The following SEMA4F variants were observed in gnomAD, a reference collection of about 807,000 sequenced individuals.
The protein encoded by SEMA4F is semaphorin-4F.
Under a neutral mutation model 78.4 loss-of-function variants are expected in SEMA4F, and 51 were observed. The ratio of observed to expected loss-of-function variants is 0.65; its 90% CI spans 0.52 to 0.82. The LOEUF (loss-of-function observed/expected upper bound fraction) is 0.82. Among genes scored for constraint, SEMA4F ranks in the 40% least tolerant of loss-of-function variants. SEMA4F has a pLI of 0.00. For missense variants in SEMA4F, 938 were observed against 1,014.4 expected, an observed-to-expected ratio of 0.92 and a Z score of 1.02; for synonymous variants, 418 against 408.7, an observed-to-expected ratio of 1.02 and a Z score of -0.27.
At chr2:74,679,534 C>G in intron 13 of SEMA4F, 65 bp from the exon 14 acceptor site, 2 of 1,550,310 alleles carry the variant, frequency 1.3e-6, no homozygotes. Flanking sequence ...TCACCCCACA[C>G]TTTTCTTCAT....
intron 12 of SEMA4F, among the ~76,000 whole-genome samples, chr2:74,678,829 A>G (rs894694490): frequency 5.3e-5 from 8 of 152,170 alleles, no homozygotes; most frequent in Non-Finnish European, 1.0e-4. Flanking sequence ...AAGTCACCTC[A>G]CTGACCCTAA....
intron 5 of SEMA4F, among the ~76,000 whole-genome samples, chr2:74,669,542 G>A (rs949271100): frequency 6.6e-6 from 1 of 152,030 alleles, no homozygotes; most frequent in Non-Finnish European, 1.5e-5. Flanking sequence ...CCGAGATAGC[G>A]CCACTGCACT....
chr2:74,671,965 C>G (rs1341194394), intron 5 of SEMA4F, among the ~76,000 whole-genome samples: 1 of 152,206 alleles, frequency 6.6e-6, no homozygotes, highest in Non-Finnish European at 1.5e-5. Context: ...TTTCCTCTGC[C>G]TCTGCCTTAC....
Position 74,681,150 on chromosome 2 carries a change from T to C in SEMA4F, c.*941T>C, listed in dbSNP as rs542537152. On this transcript the variant is annotated 3_prime_UTR_variant, in exon 14 of 14. Transcript: ENST00000357877. Reference sequence around the variant, plus strand: ...TTAAAAATCAACAACATTCTAATGATTAGGGAACAACAGAAGGGGAACAGT... The same window carrying C: ...TTAAAAATCAACAACATTCTAATGACTAGGGAACAACAGAAGGGGAACAGT... The C allele has an allele frequency of 6.5e-6, 1 of 152,680 alleles. No individual in the cohort carries two copies. The highest frequency in any genetic ancestry group is 2.1e-4 in the South Asian group (1 of 4,820). The allele number at this position is 152,680 out of a possible 1,614,324, so 9.5% of individuals were successfully genotyped here.
chr2:74,672,396 G>A (rs185001334), intron 5 of SEMA4F, among the ~76,000 whole-genome samples: 8 of 152,248 alleles, frequency 5.3e-5, no homozygotes, highest in East Asian at 1.9e-4. Context: ...TGTGCCTCCC[G>A]GAATCTGATT....
Position 74,658,076 on chromosome 2 carries a change from C to A in SEMA4F, c.456+125C>A. The A allele has an allele frequency of 1.2e-6, 1 of 815,006 alleles. No individual in the cohort carries two copies. The highest frequency in any genetic ancestry group is 1.4e-5 in the South Asian group (1 of 69,556). 50.5% of individuals were successfully genotyped at this position (815,006 alleles called of 1,614,324 possible). A position where few individuals can be genotyped will look rare whatever the true frequency, so the allele number is the denominator to read the frequency against. On this transcript the variant is annotated intron_variant, in intron 4 of 13. Transcript: ENST00000357877. This position sits in a 1 kb window ranked among gnomAD's most constrained non-coding sequence, Gnocchi z 4.3. ...ATGATGGGGGCATGGTCAAGGCAACCATTGTGCATGATAAGCATTGGGTGT... is the reference window on the plus strand; with the variant it reads ...ATGATGGGGGCATGGTCAAGGCAACAATTGTGCATGATAAGCATTGGGTGT...
At chr2:74,707,855 GGA>G in the SEMA4F span, among the ~76,000 whole-genome samples, 1 of 152,150 alleles carries the variant, frequency 6.6e-6, no homozygotes, top group Admixed American at 6.5e-5. Flanking sequence ...ATGATGGAGA[GGA>G]GAGAGGTGCA....
chr2:74,699,163 G>C, the SEMA4F span, among the ~76,000 whole-genome samples: 1 of 152,110 alleles, frequency 6.6e-6, no homozygotes, highest in Non-Finnish European at 1.5e-5. Context: ...CAATAACTGA[G>C]GTAACTTACA....
rs752689829 is a variant in SEMA4F at position 74,679,131 on chromosome 2, G to A, written c.1644-145G>A. The A allele has an allele frequency of 2.5e-5, 18 of 722,202 alleles. No individual in the cohort carries two copies. The South Asian group carries it at 3.0e-4, about 12-fold the overall frequency. The allele number at this position is 722,202 out of a possible 1,614,324, so 44.7% of individuals were successfully genotyped here. A position where few individuals can be genotyped will look rare whatever the true frequency, so the allele number is the denominator to read the frequency against. ...TTAAGAGGTATTGGGGAAAAATTTG[G>A]TGATGAGGAGAAACTTGACTGATAA... On this transcript the variant is annotated intron_variant, in intron 12 of 13. Transcript: ENST00000357877.
chr2:74,660,052 C>T lies in SEMA4F; in HGVS notation c.456+2101C>T, dbSNP rs535140718. ...GTTAGACTTCTAACAACAACAACAA[C>T]AAACAGCAACAATGACAACCATTCA... On this transcript the variant is annotated intron_variant, in intron 4 of 13. Coordinates refer to ENST00000357877, the MANE Select transcript of SEMA4F (RefSeq NM_004263.5). Among the ~76,000 whole-genome samples the T allele has an allele frequency of 9.5e-4, 144 of 152,320 alleles. 2 individuals are homozygous for T. The highest frequency in any genetic ancestry group is 3.4e-3 in the African/African-American group (141 of 41,576).
At chr2:74,657,716 G>C (rs1684226588) in intron 3 of SEMA4F, 92 bp downstream of exon 3, 1 of 1,434,184 alleles carries the variant, frequency 7.0e-7, no homozygotes, top group Admixed American at 1.7e-5. Context: ...CATACCAATG[G>C]GCCCAGGCAG....
At chr2:74,687,791 C>G (rs1685851514), downstream of SEMA4F, among the ~76,000 whole-genome samples, 1 of 152,206 alleles carries the variant, frequency 6.6e-6, no homozygotes, top group Non-Finnish European at 1.5e-5. Context: ...TGACCTCTCC[C>G]TGTCTGTGTT....
Position 74,669,395 on chromosome 2 carries a change from C to T in SEMA4F, c.551-4062C>T, listed in dbSNP as rs1684860511. 2.0e-5 allele frequency among the ~76,000 whole-genome samples: 3 copies of T among 151,752 alleles called. No homozygotes were observed. The South Asian group carries it at 6.2e-4, about 32-fold the overall frequency. On this transcript the variant is annotated intron_variant, in intron 5 of 13. Coordinates refer to ENST00000357877, the MANE Select transcript of SEMA4F (RefSeq NM_004263.5). ...GGTCAGGAGTTTGAGACCAGCCTGG[C>T]CTACACAGTGAAACCCTGTCTCTAA...
Position 74,654,272 on chromosome 2 carries a change from G to A in SEMA4F, c.-105G>A, listed in dbSNP as rs1683988179. The A allele has an allele frequency of 1.5e-6, 2 of 1,304,246 alleles. No homozygotes were observed. The highest frequency in any genetic ancestry group is 2.0e-6 in the Non-Finnish European group (2 of 1,013,086). The allele number at this position is 1,304,246 out of a possible 1,614,324, so 80.8% of individuals were successfully genotyped here. A position where few individuals can be genotyped will look rare whatever the true frequency, so the allele number is the denominator to read the frequency against. ...GTTTCATCCCTCAGCCTCAGGCTGA[G>A]CCGGACCGAGCCGAGAGGACCCGAG... On this transcript the variant is annotated 5_prime_UTR_variant, in exon 1 of 14. Transcript: ENST00000357877.
rs1685494250 is a variant in SEMA4F at position 74,679,767 on chromosome 2, G to A, written c.1871G>A (p.Gly624Asp). The stretch of plus-strand genomic sequence containing the variant: ...GTGGTGGTGACCCCAGGGGCCATGG[G>A]CGCTTATGCCTGTGAATGTCAGGAG... The part of the protein sequence containing the change: ...LEVVVTPGAM[G>D]AYACECQEGG... Residue 624 changes from glycine (G) to aspartate (D), a missense_variant, in exon 14 of 14, where the codon GGC (glycine) becomes GAC (aspartate). Gly to Asp is a moderately conservative substitution (Grantham distance 94). Transcript: ENST00000357877. 1.9e-6 allele frequency: 3 copies of A among 1,614,198 alleles called. No homozygotes were observed. The highest frequency in any genetic ancestry group is 2.5e-6 in the Non-Finnish European group (3 of 1,180,032).
chr2:74,657,057 A>C (rs1300296798), intron 2 of SEMA4F, among the ~76,000 whole-genome samples: 1 of 152,202 alleles, frequency 6.6e-6, no homozygotes, highest in Non-Finnish European at 1.5e-5. Context: ...CTAAAAATCC[A>C]AAATTCAAAA....
At position 74,680,408 on chromosome 2, in the gene SEMA4F, A is replaced by C. The variant is rs1685554077; in HGVS notation, c.*199A>C. The C allele has an allele frequency of 1.8e-6, 1 of 556,380 alleles. No homozygotes were observed. Among genetic ancestry groups the C allele is most frequent in the Non-Finnish European group, 3.0e-6 (1 of 332,956 alleles). 34.5% of individuals were successfully genotyped at this position (556,380 alleles called of 1,614,324 possible). A position where few individuals can be genotyped will look rare whatever the true frequency, so the allele number is the denominator to read the frequency against. On this transcript the variant is annotated 3_prime_UTR_variant, in exon 14 of 14. Transcript: ENST00000357877. ...GACCTTTGCCTGATTCCTGATTCCC[A>C]TGAGAAATCAGAACTGCTTTCTGCA...
intron 5 of SEMA4F, among the ~76,000 whole-genome samples, chr2:74,672,907 G>A (rs1685059489): frequency 6.6e-6 from 1 of 152,176 alleles, no homozygotes. Flanking sequence ...GCCAAGCCCA[G>A]CTCTACTGAA....
In SEMA4F at chr2:74,654,340, T is replaced by C. The variant is rs1243929673; in HGVS notation, c.-37T>C. On this transcript the variant is annotated 5_prime_UTR_variant, in exon 1 of 14. Coordinates refer to ENST00000357877, the MANE Select transcript of SEMA4F (RefSeq NM_004263.5). The stretch of plus-strand genomic sequence containing the variant: ...GCCCCGGGGCCCTGAGCAGAGGCCG[T>C]AGCTTGCGCCGCACCCGCGGCCAGG... 4.1e-6 allele frequency: 6 copies of C among 1,446,916 alleles called. No homozygotes were observed. Among genetic ancestry groups the C allele is most frequent in the Non-Finnish European group, 5.4e-6 (6 of 1,107,712 alleles). 89.6% of individuals were successfully genotyped at this position (1,446,916 alleles called of 1,614,324 possible). A position where few individuals can be genotyped will look rare whatever the true frequency, so the allele number is the denominator to read the frequency against.
Sources: allele counts gnomAD v4.1 joint callset (sites outside exome capture counted in the v4.1 genomes callset), GRCh38; gene constraint gnomAD v4.1.1; non-coding constraint Gnocchi (gnomAD v3.1); transcripts MANE v1.5; gene names NCBI Gene and HGNC (gene_info 2026-07-23, HGNC 2026-07-21).